Variants in NRXN1 observed in about 807,000 individuals in gnomAD.
NRXN1 encodes the protein neurexin-1.
A neutral mutation model predicts 150.9 loss-of-function variants in NRXN1; 39 were observed. The ratio of observed to expected loss-of-function variants is 0.26; its 90% CI spans 0.20 to 0.34. The LOEUF (loss-of-function observed/expected upper bound fraction) is 0.34, where lower values mean the gene tolerates loss of function less well. NRXN1 is among the 10% of genes least tolerant of loss of function. The pLI is 1.00. For synonymous variants in NRXN1, 924 were observed against 757.0 expected (o/e 1.22, Z -3.62); for missense variants, 1,815 against 1,949.9 (o/e 0.93, Z 1.30).
intron 5 of NRXN1, among the ~76,000 whole-genome samples, chr2:50,702,111 A>T (rs1693823703): frequency 6.6e-6 from 1 of 152,174 alleles, no homozygotes; most frequent in African/African-American, 2.4e-5. Context: ...AGGAAAAAAT[A>T]AAAGCATTAC....
intron 8 of NRXN1, among the ~76,000 whole-genome samples, chr2:50,603,486 A>G (rs1676604727): frequency 6.6e-6 from 1 of 152,184 alleles, no homozygotes; most frequent in African/African-American, 2.4e-5. Context: ...GCAGATAGGA[A>G]TCTCTTTCAA....
chr2:50,140,697 G>T (rs188661821), intron 18 of NRXN1, among the ~76,000 whole-genome samples: 99 of 151,028 alleles, frequency 6.6e-4, no homozygotes, highest in Non-Finnish European at 1.2e-3. Context: ...TAGAGATGTT[G>T]ATGTTTATGT....
intron 17 of NRXN1, among the ~76,000 whole-genome samples, chr2:50,285,142 G>C (rs577821081): frequency 1.3e-5 from 2 of 152,138 alleles, no homozygotes; most frequent in Non-Finnish European, 2.9e-5. Flanking sequence ...AAATTCTAAC[G>C]AGCACCTTCT....
rs1012540527 is a variant in NRXN1, at chr2:50,733,323, A to G, written c.833-109708T>C. Among the ~76,000 whole-genome samples, 3 of 152,088 alleles carry G rather than the reference A, an allele frequency of 2.0e-5. No individual in the cohort carries two copies. In the East Asian group the frequency reaches 5.8e-4, roughly 29 times the overall value. On this transcript the variant is annotated intron_variant, in intron 5 of 22. Coordinates refer to ENST00000401669, the MANE Select transcript of NRXN1 (RefSeq NM_001330078.2). The stretch of plus-strand genomic sequence containing the variant: ...CCAAGACAAGTAAAAATTGGGAAAT[A>G]TTTTTTTTATTGCTCACATCATAGC...
chr2:50,484,833 T>C (rs2090748564), intron 15 of NRXN1, among the ~76,000 whole-genome samples: 1 of 152,226 alleles, frequency 6.6e-6, no homozygotes, highest in Admixed American at 6.5e-5. Context: ...TTCAATGTTA[T>C]ACAATGTAGT....
At chr2:50,057,072 C>A (rs1693766216) in intron 19 of NRXN1, among the ~76,000 whole-genome samples, 1 of 152,140 alleles carries the variant, frequency 6.6e-6, no homozygotes, top group African/African-American at 2.4e-5. Flanking sequence ...TAATCACACC[C>A]ATTTTCCATA....
chr2:50,709,020 G>T (rs1343954922), intron 5 of NRXN1, among the ~76,000 whole-genome samples: 1 of 152,128 alleles, frequency 6.6e-6, no homozygotes, highest in East Asian at 1.9e-4. Flanking sequence ...AACAGGGACT[G>T]TCCTCTGTTC....
At chr2:50,636,996 C>T (rs140864130) in intron 5 of NRXN1, among the ~76,000 whole-genome samples, 190 of 152,190 alleles carry the variant, frequency 1.2e-3, no homozygotes, top group African/African-American at 4.5e-3. Flanking sequence ...TCAATACTGA[C>T]TAGTGTTTCC....
intron 18 of NRXN1, among the ~76,000 whole-genome samples, chr2:50,220,007 A>AATATATAATATTTAT (rs1553776802): frequency 0.017 from 613 of 37,024 alleles, 10 homozygotes; most frequent in African/African-American, 0.082. Context: ...TATATTATAT[A>AATATATAATATTTAT]ATATATTATA....
chr2:50,205,826 C>G (rs1193162609), intron 18 of NRXN1, among the ~76,000 whole-genome samples: 1 of 151,920 alleles, frequency 6.6e-6, no homozygotes, highest in African/African-American at 2.4e-5. Context: ...CTTGAAAACA[C>G]TATACAAATG....
rs575085953 is a variant in NRXN1, at chr2:50,518,229, C to T, written c.2374+10396G>A. On this transcript the variant is annotated intron_variant, in intron 12 of 22. Coordinates refer to ENST00000401669, the MANE Select transcript of NRXN1 (RefSeq NM_001330078.2). ...TCTAGAAAAAATGTTCTAAAACTAG[C>T]AATCTTTAAATCTAATCTAGCTCAA... 6.6e-5 allele frequency among the ~76,000 whole-genome samples: 10 copies of T among 151,996 alleles called. No homozygotes were observed. In the East Asian group the frequency reaches 1.9e-3, roughly 29 times the overall value.
chr2:50,045,656 G>A (rs564644840), intron 21 of NRXN1, among the ~76,000 whole-genome samples: 1 of 152,274 alleles, frequency 6.6e-6, no homozygotes, highest in South Asian at 2.1e-4. Flanking sequence ...TTGTAGAGCT[G>A]ATAAAAACTA....
intron 5 of NRXN1, among the ~76,000 whole-genome samples, chr2:50,869,515 A>C (rs532970559): frequency 2.0e-5 from 3 of 151,778 alleles, no homozygotes; most frequent in Admixed American, 2.0e-4. Context: ...AATGGAAAAA[A>C]CCACATAGAA....
chr2:50,127,300 C>G (rs981977711), intron 18 of NRXN1, among the ~76,000 whole-genome samples: 1 of 152,078 alleles, frequency 6.6e-6, no homozygotes, highest in African/African-American at 2.4e-5. Context: ...CACCAAAACA[C>G]TGCGCTATTT....
intron 2 of NRXN1, among the ~76,000 whole-genome samples, chr2:50,945,895 TATATACACAC>T (rs1465517163): frequency 7.0e-6 from 1 of 143,736 alleles, no homozygotes; most frequent in East Asian, 2.3e-4. Context: ...TATATATATA[TATATACACAC>T]ACACACACAC....
chr2:50,448,580 G>C (rs1209119261), intron 17 of NRXN1, among the ~76,000 whole-genome samples: 4 of 152,126 alleles, frequency 2.6e-5, no homozygotes, highest in Non-Finnish European at 5.9e-5. Flanking sequence ...ACTGCTATTT[G>C]GGAAAGTGTA....
chr2:50,506,412 A>G (rs1374011824), intron 13 of NRXN1, 83 bp downstream of exon 13: 1 of 1,296,284 alleles, frequency 7.7e-7, no homozygotes, highest in East Asian at 2.4e-5. Context: ...GTTGTGTACC[A>G]GCCTTGGTGT....
rs202170448 is a variant in NRXN1, at chr2:50,623,446, G to A, written c.1002C>T (p.Ala334=). Residue 334 remains alanine (A), a synonymous_variant, in exon 6 of 23, where the codon GCC becomes GCT. Coordinates refer to ENST00000401669, the MANE Select transcript of NRXN1 (RefSeq NM_001330078.2). ...CCAGAGAGACAGCTCCATTTTTCAG[G>A]GCAAGATTGACATAATCAGCCGATT... ...TGKSADYVNL[A]LKNGAVSLVI... is the part of the protein sequence containing the mutation. 6.8e-6 allele frequency: 11 copies of A among 1,613,260 alleles called. No homozygotes were observed. The highest frequency in any genetic ancestry group is 9.3e-6 in the Non-Finnish European group (11 of 1,179,518).
At chr2:50,224,077 C>A (rs912796627) in intron 18 of NRXN1, among the ~76,000 whole-genome samples, 7 of 151,932 alleles carry the variant, frequency 4.6e-5, no homozygotes, top group Admixed American at 1.3e-4. Context: ...TTAGTGCATT[C>A]ACCTTGAGGG....
Sources: allele counts gnomAD v4.1 joint callset (sites outside exome capture counted in the v4.1 genomes callset), GRCh38; gene constraint gnomAD v4.1.1; transcripts MANE v1.5; gene names NCBI Gene and HGNC (gene_info 2026-07-23, HGNC 2026-07-21).